ITPR1: variants seen among roughly 807,000 people sequenced by gnomAD.
ITPR1 encodes inositol 1,4,5-trisphosphate receptor type 1, also known as inositol 1,4,5-trisphosphate-gated calcium channel ITPR1.
A neutral mutation model predicts 318.4 loss-of-function variants in ITPR1; 96 were observed. The ratio of observed to expected loss-of-function variants is 0.30; its 90% CI spans 0.26 to 0.36. ITPR1 has a LOEUF of 0.36. Among genes scored for constraint, ITPR1 ranks in the 10% least tolerant of loss-of-function variants. ITPR1 has a pLI of 1.00. For synonymous variants in ITPR1, 1,312 were observed against 1,289.9 expected (o/e 1.02, Z -0.37); for missense variants, 2,440 against 3,460.2 (o/e 0.71, Z 7.40).
At position 4,779,868 on chromosome 3, in the gene ITPR1, A is replaced by G. The variant is rs2046712193; in HGVS notation, c.6387+223A>G. ...TATTACTTTCAATGGCAAAACCACT[A>G]TTACTTTTGCCGTTGAAAGTAATGG... On this transcript the variant is annotated intron_variant, in intron 49 of 61. Coordinates refer to ENST00000649015, the MANE Select transcript of ITPR1 (RefSeq NM_001378452.1). The surrounding 1 kb of genome is among the most constrained non-coding windows in gnomAD (Gnocchi z 4.0). 6.8e-6 allele frequency among the ~76,000 whole-genome samples: 1 copy of G among 147,376 alleles called. No homozygotes were observed. The highest frequency in any genetic ancestry group is 1.5e-5 in the Non-Finnish European group (1 of 66,778).
chr3:4,782,797 C>T (rs936590168), intron 50 of ITPR1, 56 bp downstream of exon 50: 15 of 1,403,106 alleles, frequency 1.1e-5, no homozygotes, highest in Middle Eastern at 2.3e-4. Context: ...TCCAAAATTC[C>T]GAGCTGGAGG....
At chr3:4,748,830 C>T (rs1017826860) in intron 44 of ITPR1, among the ~76,000 whole-genome samples, 7 of 152,220 alleles carry the variant, frequency 4.6e-5, no homozygotes, top group African/African-American at 1.7e-4. Context: ...TTGTCACATA[C>T]AGTTTTTGGA....
At chr3:4,574,302 G>C (rs989426039) in intron 4 of ITPR1, among the ~76,000 whole-genome samples, 1 of 151,108 alleles carries the variant, frequency 6.6e-6, no homozygotes, top group South Asian at 2.1e-4. Context: ...CCTGAGTCTT[G>C]GCTGCTCCTT....
In ITPR1 at chr3:4,532,736, C is replaced by T. The variant is rs147411688; in HGVS notation, c.163+11642C>T. 3.0e-3 allele frequency among the ~76,000 whole-genome samples: 451 copies of T among 152,286 alleles called. 4 individuals carry two copies. Among genetic ancestry groups the T allele is most frequent in the African/African-American group, 0.01 (428 of 41,528 alleles). Reference sequence around the variant, plus strand: ...GCTCTCGGGAGCCACTGACTGTTATCTTCCCTTATTTTATGGCTGTCCTAT... The same window carrying T: ...GCTCTCGGGAGCCACTGACTGTTATTTTCCCTTATTTTATGGCTGTCCTAT... On this transcript the variant is annotated intron_variant, in intron 4 of 61. Coordinates refer to ENST00000649015, the MANE Select transcript of ITPR1 (RefSeq NM_001378452.1).
chr3:4,521,038 G>A lies in ITPR1; in HGVS notation c.107G>A (p.Arg36His), dbSNP rs1057518026. 1 of 1,613,156 alleles carries A rather than the reference G, an allele frequency of 6.2e-7. No homozygotes were observed. The highest frequency in any genetic ancestry group is 8.5e-7 in the Non-Finnish European group (1 of 1,179,186). The change falls in exon 4 of 62, where the codon CGT becomes CAT. Residue 36 changes from arginine (R) to histidine (H), a missense_variant. Coordinates refer to ENST00000649015, the MANE Select transcript of ITPR1 (RefSeq NM_001378452.1). The stretch of plus-strand genomic sequence containing the variant: ...CTTCTTTACAGCCTGGTTGATGATC[G>A]TTGTGTTGTACAGCCAGAAACCGGG... ...FISTLGLVDD[R>H]CVVQPETGDL...
intron 60 of ITPR1, among the ~76,000 whole-genome samples, chr3:4,825,395 C>G (rs2050006034): frequency 6.6e-6 from 1 of 152,114 alleles, no homozygotes; most frequent in South Asian, 2.1e-4. Context: ...GGGGAGAGCC[C>G]AGGAGCCCGC....
chr3:4,786,371 C>T (rs984300926), intron 51 of ITPR1, among the ~76,000 whole-genome samples: 5 of 152,246 alleles, frequency 3.3e-5, no homozygotes, highest in Non-Finnish European at 2.9e-5. Context: ...TTGGGAACCA[C>T]TGGTCTAAAG....
chr3:4,685,003 C>G, intron 29 of ITPR1, 66 bp from the exon 30 acceptor site: 1 of 1,528,900 alleles, frequency 6.5e-7, no homozygotes, highest in African/African-American at 1.4e-5. Context: ...CCCGCCACCA[C>G]CCTCTGCAAT....
chr3:4,537,715 G>A (rs1159030929), intron 4 of ITPR1, among the ~76,000 whole-genome samples: 1 of 147,480 alleles, frequency 6.8e-6, no homozygotes, highest in Non-Finnish European at 1.5e-5. Context: ...AGCTGCAAAA[G>A]TCAAGAAAAT....
chr3:4,539,999 AAG>A, intron 4 of ITPR1, among the ~76,000 whole-genome samples: 1 of 151,848 alleles, frequency 6.6e-6, no homozygotes. Flanking sequence ...AAAAAAAAAA[AAG>A]GAAAATTACT....
At chr3:4,611,893 T>TA (rs1419620759) in intron 4 of ITPR1, among the ~76,000 whole-genome samples, 1 of 152,166 alleles carries the variant, frequency 6.6e-6, no homozygotes, top group Non-Finnish European at 1.5e-5. Context: ...ATCAAGAGAA[T>TA]AAAAGTACAA....
At chr3:4,787,020 G>A (rs189966222) in intron 51 of ITPR1, among the ~76,000 whole-genome samples, 4 of 152,198 alleles carry the variant, frequency 2.6e-5, no homozygotes, top group East Asian at 3.9e-4. Flanking sequence ...AGCTATGTAT[G>A]GCTATTTAAA....
At chr3:4,589,928 G>A (rs2090247829) in intron 4 of ITPR1, among the ~76,000 whole-genome samples, 1 of 152,142 alleles carries the variant, frequency 6.6e-6, no homozygotes, top group African/African-American at 2.4e-5. Flanking sequence ...GGGCTCTCCT[G>A]GTTCTTTCAG....
intron 53 of ITPR1, among the ~76,000 whole-genome samples, chr3:4,798,362 C>T (rs533940560): frequency 6.6e-6 from 1 of 152,326 alleles, no homozygotes; most frequent in African/African-American, 2.4e-5. Context: ...TGTTGAGCAT[C>T]ACTAGTTATC....
intron 2 of ITPR1, among the ~76,000 whole-genome samples, chr3:4,503,165 A>G (rs1008888661): frequency 2.3e-5 from 3 of 132,930 alleles, no homozygotes; most frequent in Non-Finnish European, 5.2e-5. Context: ...TTTCCTTTTG[A>G]TAGCTTTTGA....
At chr3:4,570,314 A>G (rs935960412) in intron 4 of ITPR1, among the ~76,000 whole-genome samples, 3 of 152,238 alleles carry the variant, frequency 2.0e-5, no homozygotes, top group Non-Finnish European at 4.4e-5. Flanking sequence ...AAAATGTCTT[A>G]TAATCTGTGA....
intron 4 of ITPR1, among the ~76,000 whole-genome samples, chr3:4,554,187 A>G (rs1465208915): frequency 6.6e-6 from 1 of 152,254 alleles, no homozygotes; most frequent in African/African-American, 2.4e-5. Context: ...TATCTTGCCC[A>G]AGGTAACAGT....
chr3:4,671,363 G>A (rs1053844540), intron 20 of ITPR1, among the ~76,000 whole-genome samples: 5 of 152,262 alleles, frequency 3.3e-5, no homozygotes. Context: ...GAAGATGTGT[G>A]TGTTTGTATA....
chr3:4,836,442 A>C (rs2050919860), intron 60 of ITPR1, among the ~76,000 whole-genome samples: 1 of 152,188 alleles, frequency 6.6e-6, no homozygotes, highest in African/African-American at 2.4e-5. Flanking sequence ...TTTTTAAAAA[A>C]ACCAAACTCA....
Sources: gnomAD v4.1 joint callset for allele counts (sites outside exome capture counted in the v4.1 genomes callset) on GRCh38, gnomAD v4.1.1 for gene constraint, Gnocchi (gnomAD v3.1) non-coding constraint, MANE v1.5 for transcripts, NCBI Gene and HGNC (gene_info 2026-07-23, HGNC 2026-07-21) for gene names.